The following TRPV1 variants were observed in gnomAD, a reference collection of about 807,000 sequenced individuals.
TRPV1 encodes the protein transient receptor potential cation channel subfamily V member 1, also known as OTRPC1.
In TRPV1, 82 loss-of-function variants were observed where a neutral mutation model predicts 82.3. That is an observed-to-expected ratio of 1.00 (90% confidence interval 0.83 to 1.20). TRPV1 has a LOEUF of 1.20. Among genes scored for constraint, TRPV1 ranks in the 50% most tolerant of loss-of-function variants. TRPV1 has a pLI of 0.00. For synonymous variants in TRPV1, 515 were observed against 467.7 expected (o/e 1.10, Z -1.30); for missense variants, 1,067 against 1,096.8 (o/e 0.97, Z 0.38).
In TRPV1 at chr17:3,572,243, T is replaced by C. The variant is rs202127764; in HGVS notation, c.2110A>G (p.Ile704Val). The C allele has an allele frequency of 7.5e-6, 12 of 1,608,358 alleles. No homozygotes were observed. The highest frequency in any genetic ancestry group is 1.0e-5 in the Non-Finnish European group (12 of 1,177,504). The change falls in exon 15 of 17, where the codon ATC becomes GTC. Residue 704 changes from isoleucine to valine, a missense_variant. Transcript: ENST00000572705. ...SKNIWKLQRA[I>V]TILDTEKSFL... ...CTCTTCTCCGTGTCCAGGATGGTGATGGCTCTCTGCAGGAAGACACCAAGG... is the reference window on the plus strand; with the variant it reads ...CTCTTCTCCGTGTCCAGGATGGTGACGGCTCTCTGCAGGAAGACACCAAGG...
intron 14 of TRPV1, among the ~76,000 whole-genome samples, chr17:3,572,477 C>T (rs530216695): frequency 6.6e-6 from 1 of 152,316 alleles, no homozygotes; most frequent in South Asian, 2.1e-4. Flanking sequence ...CCACTGGTGC[C>T]TGCCGGGCCT....
chr17:3,604,076 C>T lies in TRPV1; in HGVS notation c.-34+4351G>A, dbSNP rs1052279196. 6.6e-5 allele frequency among the ~76,000 whole-genome samples: 10 copies of T among 152,336 alleles called. No homozygotes were observed. In the East Asian group the frequency reaches 1.4e-3, roughly 21 times the overall value. On this transcript the variant is annotated intron_variant, in intron 2 of 16. Transcript: ENST00000572705. ...ACCATGCCAACAACAAATGTTGAGC[C>T]GGGTCTTGGCCTCCCCTGCAGTTGT... is the stretch of plus-strand genomic sequence containing the variant.
chr17:3,567,266 G>T (rs1288185346), intron 16 of TRPV1, among the ~76,000 whole-genome samples: 1 of 150,694 alleles, frequency 6.6e-6, no homozygotes, highest in African/African-American at 2.4e-5. Flanking sequence ...GTACTTGGGA[G>T]GCTGAGGCAG....
rs2075041004 is a variant in TRPV1, at chr17:3,582,996, T to A, written c.1476+342A>T. 2.0e-5 allele frequency among the ~76,000 whole-genome samples: 3 copies of A among 150,972 alleles called. No homozygotes were observed. The South Asian group carries it at 6.3e-4, about 32-fold the overall frequency. ...TATGCAAGGAGATTTCCTTCACTGC[T>A]CAGAGCTTTAACAGATTGGTTTAAT... On this transcript the variant is annotated intron_variant, in intron 10 of 16. Transcript: ENST00000572705.
intron 13 of TRPV1, among the ~76,000 whole-genome samples, 152 bp from the exon 14 acceptor site, chr17:3,574,107 ATAG>A (rs1380886576): frequency 2.6e-5 from 4 of 152,308 alleles, no homozygotes; most frequent in Admixed American, 6.5e-5. Flanking sequence ...AAAAATTTTC[ATAG>A]TATATTTTTA....
chr17:3,573,589 A>G, intron 14 of TRPV1, 44 bp downstream of exon 14: 1 of 1,193,528 alleles, frequency 8.4e-7, no homozygotes, highest in Non-Finnish European at 1.1e-6. Flanking sequence ...AGAGCCGCCC[A>G]CACTCTCCGC....
At chr17:3,578,892 G>A (rs1410972309) in intron 11 of TRPV1, 1 of 152,136 alleles carries the variant, frequency 6.6e-6, no homozygotes, top group Non-Finnish European at 1.5e-5. Flanking sequence ...GGATGTAGCT[G>A]GAGGCCATTA....
At position 3,571,687 on chromosome 17, in the gene TRPV1, C is replaced by T. The variant is rs201544828; in HGVS notation, c.2232-48G>A. 70 of 1,473,574 alleles carry T rather than the reference C, an allele frequency of 4.8e-5. 1 individual carries two copies. The highest frequency in any genetic ancestry group is 1.5e-4 in the African/African-American group (11 of 71,918). The allele number at this position is 1,473,574 out of a possible 1,614,324, so 91.3% of individuals were successfully genotyped here. The stretch of plus-strand genomic sequence containing the variant: ...AGCCTGAGAGCTGTGCCCAGCTTCC[C>T]GGGCCAAGGGCTCTGCCCACAGGCC... On this transcript the variant is annotated intron_variant, in intron 15 of 16. Transcript: ENST00000572705.
At chr17:3,576,666 A>ATATATATAT (rs1357194535) in intron 13 of TRPV1, among the ~76,000 whole-genome samples, 1 of 37,892 alleles carries the variant, frequency 2.6e-5, no homozygotes, top group Non-Finnish European at 6.9e-5. Flanking sequence ...AAAAAAAAAA[A>ATATATATAT]AAATATATAT....
intron 10 of TRPV1, 94 bp from the exon 11 acceptor site, chr17:3,580,621 G>A: frequency 7.8e-7 from 1 of 1,284,924 alleles, no homozygotes; most frequent in Non-Finnish European, 1.1e-6. Flanking sequence ...CCATGATGGG[G>A]TGGTCGAATG....
At chr17:3,607,890 C>T (rs998461472) in intron 2 of TRPV1, among the ~76,000 whole-genome samples, 2 of 152,130 alleles carry the variant, frequency 1.3e-5, no homozygotes, top group South Asian at 4.1e-4. Flanking sequence ...CACACTGTGA[C>T]CATACTTTTG....
intron 16 of TRPV1, among the ~76,000 whole-genome samples, chr17:3,569,338 G>T (rs200787091): frequency 6.6e-6 from 1 of 152,092 alleles, no homozygotes. Context: ...GAGGTGGGAG[G>T]ATCACTTGAA....
At chr17:3,601,070 A>C (rs1597555648) in intron 2 of TRPV1, among the ~76,000 whole-genome samples, 8 of 143,844 alleles carry the variant, frequency 5.6e-5, no homozygotes, top group South Asian at 2.2e-4. Context: ...CTCCACATTC[A>C]CTCCCCTCCC....
At chr17:3,584,809 T>G (rs901348361) in intron 9 of TRPV1, among the ~76,000 whole-genome samples, 1 of 151,916 alleles carries the variant, frequency 6.6e-6, no homozygotes. Context: ...AAAACAAAAA[T>G]TAAGTAAGTA....
intron 2 of TRPV1, among the ~76,000 whole-genome samples, chr17:3,606,294 C>T (rs192894439): frequency 2.0e-5 from 3 of 152,290 alleles, no homozygotes; most frequent in Non-Finnish European, 2.9e-5. Context: ...GCACGTCCCT[C>T]GCTGGTTGGT....
In TRPV1 at chr17:3,566,902, C is replaced by G; in HGVS notation, c.2433G>C (p.Glu811Asp). The change falls in exon 17 of 17, where the codon GAG (glutamate) becomes GAC (aspartate). Residue 811 changes from glutamate (E) to aspartate (D), a missense_variant. Glu to Asp is a conservative substitution (Grantham distance 45, BLOSUM62 2). Coordinates refer to ENST00000572705, the MANE Select transcript of TRPV1 (RefSeq NM_080704.4). ...SARDRQSAQPEEVYLRQFSGS... is the reference protein window; with the variant it reads ...SARDRQSAQPDEVYLRQFSGS... ...CTGAAAACTGTCGCAGATAAACTTC[C>G]TCGGGCTGAGCAGACTGCCTATCTC... is the stretch of plus-strand genomic sequence containing the variant. 2 of 1,614,022 alleles carry G rather than the reference C, an allele frequency of 1.2e-6. No homozygotes were observed. Among genetic ancestry groups the G allele is most frequent in the Non-Finnish European group, 1.7e-6 (2 of 1,179,900 alleles).
At chr17:3,584,375 C>G (rs1385775724) in intron 9 of TRPV1, among the ~76,000 whole-genome samples, 1 of 136,538 alleles carries the variant, frequency 7.3e-6, no homozygotes, top group African/African-American at 2.9e-5. Context: ...TGCACTCCAG[C>G]CTGGAAAACA....
At chr17:3,594,254 G>A (rs989828396) in intron 2 of TRPV1, among the ~76,000 whole-genome samples, 1 of 151,092 alleles carries the variant, frequency 6.6e-6, no homozygotes, top group African/African-American at 2.4e-5. Context: ...GGAGATTACT[G>A]TTCCAGCAGT....
At chr17:3,603,140 T>C (rs1394377940) in intron 2 of TRPV1, among the ~76,000 whole-genome samples, 1 of 146,384 alleles carries the variant, frequency 6.8e-6, no homozygotes, top group Non-Finnish European at 1.5e-5. Context: ...AAATTAAAAT[T>C]AAAAAAAAAA....
Sources: gnomAD v4.1 joint callset for allele counts (sites outside exome capture counted in the v4.1 genomes callset) on GRCh38, gnomAD v4.1.1 for gene constraint, MANE v1.5 for transcripts, NCBI Gene and HGNC (gene_info 2026-07-23, HGNC 2026-07-21) for gene names.